Variants in FAM184B observed in about 807,000 individuals in gnomAD.
FAM184B encodes protein FAM184B.
Under a neutral mutation model 135.9 loss-of-function variants are expected in FAM184B, and 111 were observed. The ratio of observed to expected loss-of-function variants is 0.82; its 90% confidence interval spans 0.70 to 0.96. The LOEUF (loss-of-function observed/expected upper bound fraction) is 0.96. Among genes scored for constraint, FAM184B ranks in the 40% least tolerant of loss-of-function variants. The pLI is 0.00. For missense variants in FAM184B, 1,375 were observed against 1,323.9 expected (o/e 1.04, Z -0.60); for synonymous variants, 552 against 524.8 (o/e 1.05, Z -0.71).
intron 1 of FAM184B, among the ~76,000 whole-genome samples, chr4:17,720,635 C>A (rs1181938304): frequency 2.0e-5 from 3 of 151,904 alleles, no homozygotes; most frequent in Non-Finnish European, 4.4e-5. Flanking sequence ...TGTCTGTAAT[C>A]CCAGCACTTT....
At chr4:17,673,298 A>C (rs1415867799) in intron 7 of FAM184B, among the ~76,000 whole-genome samples, 1 of 152,192 alleles carries the variant, frequency 6.6e-6, no homozygotes, top group Admixed American at 6.5e-5. Flanking sequence ...AACAGGGAAC[A>C]CTTCTACCCT....
chr4:17,632,641 G>A lies in FAM184B; in HGVS notation c.3090-16C>T. ...ATCTGGGGTCCTAAAAGCAAAAAAA[G>A]GTTTTTTTATATGGTTTTGAAAACT... On this transcript the variant is annotated splice_polypyrimidine_tract_variant and intron_variant, in intron 17 of 17. Transcript: ENST00000265018. 2 of 1,012,380 alleles carry A rather than the reference G, an allele frequency of 2.0e-6. No individual in the cohort carries two copies. The highest frequency in any genetic ancestry group is 2.6e-5 in the Admixed American group (1 of 39,132). 62.7% of individuals were successfully genotyped at this position (1,012,380 alleles called of 1,614,324 possible).
rs187663956 is a variant in FAM184B, at chr4:17,708,636, C to T, written c.894+256G>A. ...CTCCTGCCTGGGTGACAGAGTGAGG[C>T]TCCGTCTCAAAAATAAGGAAACAAA... On this transcript the variant is annotated intron_variant, in intron 2 of 17. Transcript: ENST00000265018. Among the ~76,000 whole-genome samples the T allele has an allele frequency of 2.0e-3, 245 of 122,988 alleles. 1 individual carries two copies. The highest frequency in any genetic ancestry group is 6.2e-3 in the African/African-American group (200 of 32,350). The allele number at this position is 122,988 out of a possible 152,430, so 80.7% of individuals were successfully genotyped here. A position where few individuals can be genotyped will look rare whatever the true frequency, so the allele number is the denominator to read the frequency against.
At chr4:17,677,211 C>T (rs1302261674) in intron 7 of FAM184B, among the ~76,000 whole-genome samples, 1 of 152,110 alleles carries the variant, frequency 6.6e-6, no homozygotes, top group Non-Finnish European at 1.5e-5. Context: ...CCACGCCCTT[C>T]TAATTTTTGT....
At chr4:17,761,691 T>C (rs1206742982) in intron 1 of FAM184B, among the ~76,000 whole-genome samples, 1 of 152,220 alleles carries the variant, frequency 6.6e-6, no homozygotes, top group Non-Finnish European at 1.5e-5. Flanking sequence ...CAGCTAATTT[T>C]TGTATTTTTA....
intron 7 of FAM184B, among the ~76,000 whole-genome samples, chr4:17,672,402 G>A (rs1029288583): frequency 6.6e-6 from 1 of 152,100 alleles, no homozygotes; most frequent in Non-Finnish European, 1.5e-5. Flanking sequence ...CTAGTACTAC[G>A]TTGATGAAGA....
intron 7 of FAM184B, among the ~76,000 whole-genome samples, chr4:17,679,611 A>G (rs2108951878): frequency 6.6e-6 from 1 of 152,282 alleles, no homozygotes; most frequent in South Asian, 2.1e-4. Context: ...ACAGTATGTA[A>G]AGTTCTTTAA....
chr4:17,646,075 A>G (rs2108933342), intron 12 of FAM184B, among the ~76,000 whole-genome samples: 1 of 152,280 alleles, frequency 6.6e-6, no homozygotes, highest in South Asian at 2.1e-4. Flanking sequence ...AAAGTCAGGA[A>G]ACAACAGGTG....
intron 14 of FAM184B, among the ~76,000 whole-genome samples, chr4:17,638,591 G>A (rs1489515773): frequency 1.3e-5 from 2 of 152,160 alleles, no homozygotes; most frequent in African/African-American, 4.8e-5. Flanking sequence ...TAACTCCAGA[G>A]CCTAAAGCAG....
chr4:17,781,004 C>T lies in FAM184B; in HGVS notation c.141+155G>A, dbSNP rs1318600017. Among the ~76,000 whole-genome samples the T allele has an allele frequency of 6.6e-6, 1 of 152,156 alleles. No homozygotes were observed. The highest frequency in any genetic ancestry group is 1.5e-5 in the Non-Finnish European group (1 of 68,026). ...GGATGGTGCCTCTAGAAGGTCAAGT[C>T]ACCCAGATTTAGGACCGCTTCCCTT... On this transcript the variant is annotated intron_variant, in intron 1 of 17. Coordinates refer to ENST00000265018, the MANE Select transcript of FAM184B (RefSeq NM_015688.2). The surrounding 1 kb of genome is among the most constrained non-coding windows in gnomAD (Gnocchi z 6.5).
At chr4:17,668,782 T>A (rs1716110178) in intron 7 of FAM184B, among the ~76,000 whole-genome samples, 2 of 152,200 alleles carry the variant, frequency 1.3e-5, no homozygotes, top group South Asian at 4.1e-4. Flanking sequence ...GTGATCCACC[T>A]GCCTTGGCCT....
At chr4:17,764,888 G>T (rs1346400188) in intron 1 of FAM184B, among the ~76,000 whole-genome samples, 1 of 151,236 alleles carries the variant, frequency 6.6e-6, no homozygotes, top group Non-Finnish European at 1.5e-5. Flanking sequence ...AACATAGCAA[G>T]AGCTTGTCTC....
intron 11 of FAM184B, among the ~76,000 whole-genome samples, chr4:17,651,701 T>C (rs186645627): frequency 2.6e-5 from 4 of 152,278 alleles, no homozygotes; most frequent in Admixed American, 2.6e-4. Flanking sequence ...AATGCTATTA[T>C]TATCCTCATT....
chr4:17,702,312 C>T (rs1451847851), intron 5 of FAM184B, among the ~76,000 whole-genome samples: 1 of 152,172 alleles, frequency 6.6e-6, no homozygotes, highest in Non-Finnish European at 1.5e-5. Context: ...AATACATCAT[C>T]TGCACCCCTT....
At chr4:17,645,664 T>TGG (rs1715446205) in intron 12 of FAM184B, among the ~76,000 whole-genome samples, 1 of 152,056 alleles carries the variant, frequency 6.6e-6, no homozygotes, top group East Asian at 1.9e-4. Flanking sequence ...GACATAGGCA[T>TGG]GGGCAAGGAC....
At chr4:17,735,621 C>G (rs140358711) in intron 1 of FAM184B, among the ~76,000 whole-genome samples, 1 of 150,648 alleles carries the variant, frequency 6.6e-6, no homozygotes, top group Non-Finnish European at 1.5e-5. Context: ...AGTCAAAAAG[C>G]AAATCTAAGG....
chr4:17,659,675 G>A (rs145530543), intron 9 of FAM184B, among the ~76,000 whole-genome samples: 51 of 152,142 alleles, frequency 3.4e-4, no homozygotes, highest in Non-Finnish European at 6.9e-4. Flanking sequence ...TAGTAGAGAT[G>A]GGGTTTCACC....
chr4:17,751,024 A>T (rs1718279344), intron 1 of FAM184B, among the ~76,000 whole-genome samples: 1 of 152,116 alleles, frequency 6.6e-6, no homozygotes, highest in Non-Finnish European at 1.5e-5. Flanking sequence ...AGCAGCACAT[A>T]GGGCCGGGTG....
chr4:17,737,933 A>T (rs907010931), intron 1 of FAM184B, among the ~76,000 whole-genome samples: 8 of 152,216 alleles, frequency 5.3e-5, no homozygotes, highest in Admixed American at 5.2e-4. Context: ...ATTTAGCAAC[A>T]AACAGACAAA....
Sources: allele counts gnomAD v4.1 joint callset (sites outside exome capture counted in the v4.1 genomes callset), GRCh38; gene constraint gnomAD v4.1.1; non-coding constraint Gnocchi (gnomAD v3.1); transcripts MANE v1.5; gene names NCBI Gene and HGNC (gene_info 2026-07-23, HGNC 2026-07-21).